Variants in DPEP1 observed in about 807,000 individuals in gnomAD.
The protein encoded by DPEP1 is dipeptidase 1.
DPEP1 carries 50 observed loss-of-function variants against 42.3 expected under a neutral mutation model. The observed-to-expected ratio is 1.18, with a 90% CI of 0.94 to 1.50. The LOEUF is 1.50. Among genes scored for constraint, DPEP1 ranks in the 40% most tolerant of loss-of-function variants. The pLI is 0.00. For synonymous variants in DPEP1, 297 were observed against 234.0 expected, an observed-to-expected ratio of 1.27 and a Z score of -2.46; for missense variants, 663 against 553.0, an observed-to-expected ratio of 1.20 and a Z score of -1.99.
chr16:89,631,017 C>T (rs1190637593), intron 2 of DPEP1, among the ~76,000 whole-genome samples: 2 of 152,100 alleles, frequency 1.3e-5, no homozygotes, highest in Non-Finnish European at 2.9e-5. Flanking sequence ...TCCCGAAGCT[C>T]AGAGTGAGGT....
rs562876553 is a variant in DPEP1, at chr16:89,614,117, C to T, written c.-107+398C>T. ...GGGGCCAGGTGTGTGGGGCAGGGGA[C>T]GCGGCGGCTTCCTGGGACTCAAGGA... On this transcript the variant is annotated intron_variant, in intron 1 of 10. Transcript: ENST00000690203. Among the ~76,000 whole-genome samples the T allele has an allele frequency of 5.9e-4, 90 of 151,998 alleles. 2 individuals are homozygous for T. The South Asian group carries it at 0.014, about 24-fold the overall frequency.
chr16:89,620,364 C>G (rs556645749), intron 1 of DPEP1, among the ~76,000 whole-genome samples: 17 of 152,150 alleles, frequency 1.1e-4, no homozygotes, highest in African/African-American at 3.9e-4. Context: ...CTCCCAGGCC[C>G]CCTCCTCTCC....
chr16:89,629,801 C>T lies in DPEP1; in HGVS notation c.-106-504C>T, dbSNP rs3794635. 0.024 allele frequency among the ~76,000 whole-genome samples: 3,666 copies of T among 152,200 alleles called. 636 individuals carry two copies. In the East Asian group the frequency reaches 0.49, roughly 20 times the overall value. On this transcript the variant is annotated intron_variant, in intron 1 of 10. Coordinates refer to ENST00000690203, the MANE Select transcript of DPEP1 (RefSeq NM_001389466.1). Reference sequence around the variant, plus strand: ...CCTGTGACGCTGGAGGGCTGCAGGCCGGGGGTGCGGACCCCTCAGCAACAG... The same window carrying T: ...CCTGTGACGCTGGAGGGCTGCAGGCTGGGGGTGCGGACCCCTCAGCAACAG...
At chr16:89,638,461 G>A (rs2059713274), downstream of DPEP1, 1 of 1,308,866 alleles carries the variant, frequency 7.6e-7, no homozygotes, top group South Asian at 2.4e-5. Flanking sequence ...TCGGCATCCG[G>A]CTCAGGAGGT....
At chr16:89,631,411 G>C (rs768108956) in intron 2 of DPEP1, among the ~76,000 whole-genome samples, 3 of 152,232 alleles carry the variant, frequency 2.0e-5, no homozygotes, top group Non-Finnish European at 4.4e-5. Context: ...ACTCAGATCA[G>C]GGTCCACACT....
chr16:89,638,610 C>G (rs953123548), downstream of DPEP1, among the ~76,000 whole-genome samples: 1 of 151,458 alleles, frequency 6.6e-6, no homozygotes, highest in Non-Finnish European at 1.5e-5. Context: ...TCTTTAGGGA[C>G]AGTCTAGGCT....
downstream of DPEP1, among the ~76,000 whole-genome samples, chr16:89,639,591 ACCCCACCCCTGCACGCACAC>A (rs1272420286): frequency 7.1e-6 from 1 of 140,456 alleles, no homozygotes; most frequent in Non-Finnish European, 1.6e-5. Flanking sequence ...TGCACGAGCA[ACCCCACCCCTGCACGCACAC>A]CCCCTGCACC....
chr16:89,639,922 C>T (rs934047260), downstream of DPEP1, among the ~76,000 whole-genome samples: 1 of 115,734 alleles, frequency 8.6e-6, no homozygotes, highest in African/African-American at 3.4e-5. Context: ...GTGATCCGCC[C>T]ACTCAGCCTC....
intron 1 of DPEP1, among the ~76,000 whole-genome samples, chr16:89,622,120 A>G (rs1269270526): frequency 6.6e-6 from 1 of 152,080 alleles, no homozygotes; most frequent in Non-Finnish European, 1.5e-5. Context: ...CTGGAGATGG[A>G]CCCAGGACTC....
chr16:89,632,699 A>G (rs541579801), intron 2 of DPEP1, among the ~76,000 whole-genome samples: 1 of 152,308 alleles, frequency 6.6e-6, no homozygotes, highest in East Asian at 1.9e-4. Context: ...GCCATGAGGC[A>G]GGCAGGGCCT....
chr16:89,617,826 C>G (rs962457039), intron 1 of DPEP1, among the ~76,000 whole-genome samples: 1 of 124,330 alleles, frequency 8.0e-6, no homozygotes, highest in African/African-American at 3.0e-5. Flanking sequence ...GAGTTTGAGA[C>G]TAGCCTGGCC....
rs770122645 is a variant in DPEP1, at chr16:89,638,201, CCT to C, written c.1218_1219del (p.Cys407SerfsTer66). ...TGCTGGCCTCCCTCGCTCCCCTGGT[CCT>C]CTGTCTGTCTCTCCTGTGAAACCTG... ...LLLASLAPLV[L>X]CLSLL On this transcript the variant is annotated frameshift_variant, in exon 11 of 11. Coordinates refer to ENST00000690203, the MANE Select transcript of DPEP1 (RefSeq NM_001389466.1). LOFTEE classifies it high-confidence loss of function. The C allele has an allele frequency of 6.3e-7, 1 of 1,582,450 alleles. No individual in the cohort carries two copies. The highest frequency in any genetic ancestry group is 1.8e-5 in the Admixed American group (1 of 57,050).
At chr16:89,640,013 G>A (rs1225178122), downstream of DPEP1, among the ~76,000 whole-genome samples, 2 of 152,098 alleles carry the variant, frequency 1.3e-5, no homozygotes, top group African/African-American at 2.4e-5. Flanking sequence ...GGTCTGCATC[G>A]GCGTGGCCCC....
chr16:89,617,917 G>A (rs552390095), intron 1 of DPEP1, among the ~76,000 whole-genome samples: 32 of 152,094 alleles, frequency 2.1e-4, no homozygotes, highest in Admixed American at 1.7e-3. Flanking sequence ...CCAGCTACTC[G>A]GGAGGCTGAG....
At chr16:89,618,285 C>T (rs528863712) in intron 1 of DPEP1, among the ~76,000 whole-genome samples, 2 of 152,248 alleles carry the variant, frequency 1.3e-5, no homozygotes, top group East Asian at 3.9e-4. Context: ...GGTAGGATCA[C>T]GGCTCACTGT....
At chr16:89,622,897 C>G (rs1481988438) in intron 1 of DPEP1, among the ~76,000 whole-genome samples, 2 of 151,872 alleles carry the variant, frequency 1.3e-5, no homozygotes, top group Non-Finnish European at 1.5e-5. Flanking sequence ...GTGAGGAGGA[C>G]TAGGGGGCCT....
Position 89,637,851 on chromosome 16 carries a change from G to A in DPEP1, c.945G>A (p.Leu315=), listed in dbSNP as rs148557765. The change falls in exon 10 of 11, where the codon CTG becomes CTA. Residue 315 remains leucine (L), a synonymous_variant. Transcript: ENST00000690203. ...FDGVPRVPEG[L]EDVSKYPDLI... Reference sequence around the variant, plus strand: ...CTCAACACAGGGTCCCTGAGGGGCTGGAGGACGTCTCCAAGTATCCAGACC... The same window carrying A: ...CTCAACACAGGGTCCCTGAGGGGCTAGAGGACGTCTCCAAGTATCCAGACC... 289 of 1,612,786 alleles carry A rather than the reference G, an allele frequency of 1.8e-4. 1 individual carries two copies. The African/African-American group carries it at 3.6e-3, about 20-fold the overall frequency.
chr16:89,618,962 AGCCCCCCTGCCCCCCCG>A (rs1231590235), intron 1 of DPEP1, among the ~76,000 whole-genome samples: 1 of 5,092 alleles, frequency 2.0e-4, no homozygotes, highest in East Asian at 0.011. Flanking sequence ...CCCTCCCTGC[AGCCCCCCTGCCCCCCCG>A]CTCCCCTCCC....
At chr16:89,628,124 A>G (rs377362111) in intron 1 of DPEP1, among the ~76,000 whole-genome samples, 5 of 151,832 alleles carry the variant, frequency 3.3e-5, no homozygotes, top group Middle Eastern at 3.4e-3. Flanking sequence ...GGGTTTCACC[A>G]TGTTAGCCAG....
Sources: allele counts gnomAD v4.1 joint callset (sites outside exome capture counted in the v4.1 genomes callset), GRCh38; gene constraint gnomAD v4.1.1; transcripts MANE v1.5; gene names NCBI Gene and HGNC (gene_info 2026-07-23, HGNC 2026-07-21).